The following CENPO variants were observed in gnomAD, a reference collection of about 807,000 sequenced individuals.
The protein encoded by CENPO is centromeric protein O.
Under a neutral mutation model 36.1 loss-of-function variants are expected in CENPO, and 30 were observed. The ratio of observed to expected loss-of-function variants is 0.83; its 90% CI spans 0.62 to 1.13. The LOEUF (loss-of-function observed/expected upper bound fraction) is 1.13. Among genes scored for constraint, CENPO ranks in the 50% most tolerant of loss-of-function variants. The pLI is 0.00. For synonymous variants in CENPO, 171 were observed against 142.3 expected (o/e 1.20, Z -1.44); for missense variants, 349 against 357.8 (o/e 0.98, Z 0.20).
rs1665889247 is a variant in CENPO, at chr2:24,796,142, T to G, written c.46+2177T>G. Among the ~76,000 whole-genome samples the G allele has an allele frequency of 3.3e-5, 5 of 151,134 alleles. No homozygotes were observed. The South Asian group carries it at 1.0e-3, about 32-fold the overall frequency. The stretch of plus-strand genomic sequence containing the variant: ...AGGCCAAAGCGGGTGGATCACAAGG[T>G]CAGGAGTTCAAGACCAGTCTGGCTA... On this transcript the variant is annotated intron_variant, in intron 2 of 7. Coordinates refer to ENST00000380834, the MANE Select transcript of CENPO (RefSeq NM_001322101.2).
intron 3 of CENPO, among the ~76,000 whole-genome samples, chr2:24,808,549 G>A (rs1666532271): frequency 1.3e-5 from 2 of 152,042 alleles, no homozygotes; most frequent in African/African-American, 4.8e-5. Context: ...TTTGTGAAGA[G>A]TTTTAATCAT....
Position 24,817,730 on chromosome 2 carries a change from G to A in CENPO, c.827G>A (p.Cys276Tyr). 6.2e-7 allele frequency: 1 copy of A among 1,614,202 alleles called. No homozygotes were observed. The highest frequency in any genetic ancestry group is 8.5e-7 in the Non-Finnish European group (1 of 1,180,026). Residue 276 changes from cysteine (C) to tyrosine (Y), a missense_variant, in exon 7 of 8, where the codon TGT becomes TAT. Cys to Tyr is a radical substitution (Grantham distance 194). Transcript: ENST00000380834. ...CGAGCATCTCATGAAACTCTGTTCT[G>A]TACGAAGCCCTTGCATCAAGTGTTT... ...EQRASHETLF[C>Y]TKPLHQVFAS...
chr2:24,812,535 G>GTGTTTT (rs1189480208), intron 3 of CENPO, among the ~76,000 whole-genome samples: 4 of 151,916 alleles, frequency 2.6e-5, no homozygotes, highest in African/African-American at 4.8e-5. Context: ...CCATGTATGG[G>GTGTTTT]TGTTTTTGTT....
intron 5 of CENPO, 84 bp downstream of exon 5, chr2:24,815,840 CCTAACTGTGAG>C: frequency 7.6e-7 from 1 of 1,309,522 alleles, no homozygotes; most frequent in Admixed American, 2.0e-5. Context: ...TTCAGTGTTT[CCTAACTGTGAG>C]TTAGAAGTTT....
intron 3 of CENPO, among the ~76,000 whole-genome samples, chr2:24,811,441 C>T (rs148734301): frequency 0.061 from 9,232 of 150,336 alleles, 303 homozygotes; most frequent in Non-Finnish European, 0.078. Context: ...CCACCACACC[C>T]AGCTAATTTT....
At chr2:24,803,521 A>G (rs1666247389) in intron 3 of CENPO, among the ~76,000 whole-genome samples, 1 of 152,020 alleles carries the variant, frequency 6.6e-6, no homozygotes, top group Admixed American at 6.6e-5. Context: ...AGATTCTGGT[A>G]TGTTGTGTCT....
chr2:24,800,154 AG>A (rs1368574157), intron 3 of CENPO, among the ~76,000 whole-genome samples: 2 of 152,102 alleles, frequency 1.3e-5, no homozygotes, highest in Non-Finnish European at 2.9e-5. Context: ...GCATGGAGGC[AG>A]GCGCCTATAA....
chr2:24,805,384 G>A (rs985502492), intron 3 of CENPO, among the ~76,000 whole-genome samples: 8 of 152,172 alleles, frequency 5.3e-5, no homozygotes, highest in African/African-American at 1.9e-4. Flanking sequence ...GCGTTCCTTT[G>A]GAGGAGGAGA....
In CENPO at chr2:24,799,712, G is replaced by A. The variant is rs1666077389; in HGVS notation, c.84G>A (p.Val28=). 5.6e-6 allele frequency: 9 copies of A among 1,614,010 alleles called. No individual in the cohort carries two copies. The highest frequency in any genetic ancestry group is 7.6e-6 in the Non-Finnish European group (9 of 1,180,012). ...LAHLERLETQ[V]SRSRKQSEEL... is the part of the protein sequence containing the mutation. ...ACTTGGAAAGGCTAGAGACCCAAGT[G>A]AGCAGATCCCGTAAACAGTCTGAAG... The change falls in exon 3 of 8, where the codon GTG becomes GTA. Residue 28 remains valine (V), a synonymous_variant. Coordinates refer to ENST00000380834, the MANE Select transcript of CENPO (RefSeq NM_001322101.2).
chr2:24,818,954 A>C (rs1277807519), intron 7 of CENPO, among the ~76,000 whole-genome samples: 1 of 152,258 alleles, frequency 6.6e-6, no homozygotes, highest in Non-Finnish European at 1.5e-5. Flanking sequence ...CTCCAGGAAC[A>C]GTGCAGGGGA....
At chr2:24,798,570 T>C (rs1354528057) in intron 2 of CENPO, among the ~76,000 whole-genome samples, 2 of 151,720 alleles carry the variant, frequency 1.3e-5, no homozygotes, top group Non-Finnish European at 2.9e-5. Flanking sequence ...ACGCCATTCT[T>C]CTGCCTCAGC....
At chr2:24,798,023 A>C (rs1185757215) in intron 2 of CENPO, among the ~76,000 whole-genome samples, 1 of 152,194 alleles carries the variant, frequency 6.6e-6, no homozygotes, top group East Asian at 1.9e-4. Flanking sequence ...TGGTCAAAGG[A>C]AATGCTTATT....
chr2:24,816,041 G>A (rs895524690), intron 5 of CENPO: 1 of 412,036 alleles, frequency 2.4e-6, no homozygotes, highest in African/African-American at 2.0e-5. Flanking sequence ...CTATACTTTT[G>A]ATCCATCAGG....
rs148379340 is a variant in CENPO, at chr2:24,818,241, A to T, written c.*35+400A>T. ...GGAATAGAGATGCCAAAAATCCTAA[A>T]ATTTTCAGAAAGGGCTCTCACAGAA... On this transcript the variant is annotated intron_variant, in intron 7 of 7. Coordinates refer to ENST00000380834, the MANE Select transcript of CENPO (RefSeq NM_001322101.2). 2.6e-5 allele frequency among the ~76,000 whole-genome samples: 4 copies of T among 152,258 alleles called. No homozygotes were observed. In the East Asian group the frequency reaches 7.7e-4, roughly 29 times the overall value.
At chr2:24,814,644 A>G (rs1666858403) in intron 4 of CENPO, 151 bp downstream of exon 4, 1 of 623,952 alleles carries the variant, frequency 1.6e-6, no homozygotes, top group Non-Finnish European at 2.9e-6. Context: ...ACACACAGAC[A>G]CACACACAGC....
At position 24,818,378 on chromosome 2, in the gene CENPO, ATTT is replaced by A. The variant is rs71325757; in HGVS notation, c.*35+548_*35+550del. Among the ~76,000 whole-genome samples, 909 of 150,308 alleles carry A rather than the reference ATTT, an allele frequency of 6.0e-3. 11 individuals carry two copies. Among genetic ancestry groups the A allele is most frequent in the African/African-American group, 0.02 (832 of 40,954 alleles). On this transcript the variant is annotated intron_variant, in intron 7 of 7. Coordinates refer to ENST00000380834, the MANE Select transcript of CENPO (RefSeq NM_001322101.2). The stretch of plus-strand genomic sequence containing the variant: ...ATGAAGATAATAAGGAAGACCCAAT[ATTT>A]TTTTTTTTTTAAAAGGAAAGTATTT...
At chr2:24,811,542 A>G (rs1666691925) in intron 3 of CENPO, among the ~76,000 whole-genome samples, 1 of 151,750 alleles carries the variant, frequency 6.6e-6, no homozygotes. Flanking sequence ...GCTCACTGCA[A>G]GTTCCACCTC....
chr2:24,805,973 C>G lies in CENPO; in HGVS notation c.216+6129C>G, dbSNP rs192475729. Among the ~76,000 whole-genome samples the G allele has an allele frequency of 2.4e-3, 361 of 152,370 alleles. 1 individual carries two copies. Among genetic ancestry groups the G allele is most frequent in the Non-Finnish European group, 3.9e-3 (265 of 68,034 alleles). ...TCCTTGAGCTGCAGTGGGCTCCACC[C>G]AGTTCGAGCTTCCAGGCTGCTTTGT... On this transcript the variant is annotated intron_variant, in intron 3 of 7. Transcript: ENST00000380834.
At chr2:24,817,588 C>CTG in intron 6 of CENPO, 82 bp from the exon 7 acceptor site, 1 of 1,569,452 alleles carries the variant, frequency 6.4e-7, no homozygotes, top group Non-Finnish European at 8.7e-7. Flanking sequence ...CCCAGCTGCA[C>CTG]TGAATGAGAT....
Sources: gnomAD v4.1 joint callset for allele counts (sites outside exome capture counted in the v4.1 genomes callset) on GRCh38, gnomAD v4.1.1 for gene constraint, MANE v1.5 for transcripts, NCBI Gene and HGNC (gene_info 2026-07-23, HGNC 2026-07-21) for gene names.